Variants in DNM3 observed in about 807,000 individuals in gnomAD.
DNM3 encodes the protein dynamin 3, also known as dynamin-3.
A neutral mutation model predicts 101.6 loss-of-function variants in DNM3; 47 were observed. That is an observed-to-expected ratio of 0.46 (90% CI 0.37 to 0.59). The LOEUF is 0.59. Among genes scored for constraint, DNM3 ranks in the 20% least tolerant of loss-of-function variants. DNM3 has a pLI of 0.00. For synonymous variants in DNM3, 385 were observed against 387.9 expected (o/e 0.99, Z 0.09); for missense variants, 849 against 1,085.7 (o/e 0.78, Z 3.06).
intron 15 of DNM3, among the ~76,000 whole-genome samples, chr1:172,301,029 A>T (rs953871101): frequency 1.3e-5 from 2 of 152,202 alleles, no homozygotes; most frequent in African/African-American, 4.8e-5. Flanking sequence ...TAGACAGGAG[A>T]TATAAACACA....
chr1:172,097,573 C>T (rs2054330619), intron 13 of DNM3, among the ~76,000 whole-genome samples: 1 of 151,818 alleles, frequency 6.6e-6, no homozygotes, highest in African/African-American at 2.4e-5. Flanking sequence ...GAGACCACCT[C>T]CAAAGGATGA....
At chr1:172,028,433 G>A (rs1194286192) in intron 4 of DNM3, among the ~76,000 whole-genome samples, 1 of 152,056 alleles carries the variant, frequency 6.6e-6, no homozygotes, top group Non-Finnish European at 1.5e-5. Flanking sequence ...TATAGAGGAA[G>A]TTATAGCACT....
chr1:171,873,823 CTGA>C (rs770366207), intron 1 of DNM3, among the ~76,000 whole-genome samples: 7 of 152,168 alleles, frequency 4.6e-5, no homozygotes, highest in Non-Finnish European at 7.3e-5. Flanking sequence ...ATAAGTATCC[CTGA>C]TGATATTATC....
intron 13 of DNM3, among the ~76,000 whole-genome samples, chr1:172,101,405 CTG>C (rs1403146893): frequency 2.6e-5 from 4 of 152,164 alleles, no homozygotes; most frequent in Non-Finnish European, 5.9e-5. Flanking sequence ...TTCTTCAGAG[CTG>C]ACACAGTAGA....
chr1:171,933,646 G>T (rs543988920), intron 2 of DNM3, among the ~76,000 whole-genome samples: 1 of 152,252 alleles, frequency 6.6e-6, no homozygotes, highest in African/African-American at 2.4e-5. Context: ...AGGAAATGGG[G>T]TAAAGAGAGC....
chr1:172,234,734 T>C (rs1036767531), intron 14 of DNM3, among the ~76,000 whole-genome samples: 2 of 151,970 alleles, frequency 1.3e-5, no homozygotes, highest in Admixed American at 6.6e-5. Flanking sequence ...ATGCCACAGA[T>C]CTACACCGAT....
At chr1:172,298,744 C>T (rs999828303) in intron 15 of DNM3, among the ~76,000 whole-genome samples, 1 of 151,902 alleles carries the variant, frequency 6.6e-6, no homozygotes, top group Non-Finnish European at 1.5e-5. Context: ...ATACATTTCT[C>T]TTTCCATTGG....
At chr1:172,213,843 A>G (rs1400219962) in intron 14 of DNM3, among the ~76,000 whole-genome samples, 1 of 151,874 alleles carries the variant, frequency 6.6e-6, no homozygotes, top group African/African-American at 2.4e-5. Flanking sequence ...AAAAAAAAGC[A>G]TATTGGCATC....
intron 1 of DNM3, among the ~76,000 whole-genome samples, chr1:171,917,010 G>T (rs1042516279): frequency 1.3e-4 from 20 of 152,152 alleles, no homozygotes; most frequent in African/African-American, 4.8e-4. Flanking sequence ...TTTGCTGTAT[G>T]TTGATACTCT....
intron 4 of DNM3, among the ~76,000 whole-genome samples, chr1:171,997,322 C>G (rs1183123541): frequency 6.6e-6 from 1 of 152,096 alleles, no homozygotes; most frequent in Admixed American, 6.5e-5. Flanking sequence ...ATTTCAGATT[C>G]ATCTGCAAAT....
At chr1:171,968,866 T>A (rs2043790399) in intron 2 of DNM3, among the ~76,000 whole-genome samples, 1 of 152,170 alleles carries the variant, frequency 6.6e-6, no homozygotes, top group Non-Finnish European at 1.5e-5. Context: ...AAAGGTGCAT[T>A]TCAAGTACCA....
intron 16 of DNM3, chr1:172,309,965 C>T (rs2065011089): frequency 6.6e-6 from 1 of 152,176 alleles, no homozygotes; most frequent in South Asian, 2.1e-4. Context: ...CTGTCTGACA[C>T]CTAAAACAAT....
intron 14 of DNM3, among the ~76,000 whole-genome samples, chr1:172,247,677 T>C (rs1466358463): frequency 6.6e-6 from 1 of 150,884 alleles, no homozygotes; most frequent in Non-Finnish European, 1.5e-5. Context: ...ATTTATTTAT[T>C]TATTTATTTA....
chr1:171,924,195 C>T (rs1435622017), intron 2 of DNM3, among the ~76,000 whole-genome samples: 1 of 152,070 alleles, frequency 6.6e-6, no homozygotes, highest in African/African-American at 2.4e-5. Context: ...GGTAGCTACC[C>T]AGTAGTGGGA....
intron 4 of DNM3, among the ~76,000 whole-genome samples, chr1:172,019,655 T>C (rs1011691648): frequency 1.8e-4 from 25 of 137,276 alleles, no homozygotes; most frequent in Admixed American, 1.4e-3. Flanking sequence ...TTTCCCACCC[T>C]ACCCCCTAGT....
chr1:171,984,596 A>T (rs2125602569), intron 2 of DNM3, among the ~76,000 whole-genome samples: 1 of 151,896 alleles, frequency 6.6e-6, no homozygotes, highest in South Asian at 2.1e-4. Flanking sequence ...TAACCAAGCA[A>T]CCCCTTTCCC....
intron 2 of DNM3, among the ~76,000 whole-genome samples, chr1:171,970,600 G>A (rs915971771): frequency 1.4e-5 from 2 of 142,470 alleles, no homozygotes; most frequent in Admixed American, 1.5e-4. Context: ...TTATTTTTAG[G>A]ATGAGTATGA....
intron 15 of DNM3, among the ~76,000 whole-genome samples, chr1:172,278,396 C>G (rs1280232401): frequency 6.6e-6 from 1 of 152,038 alleles, no homozygotes; most frequent in African/African-American, 2.4e-5. Context: ...ATAAAATACA[C>G]TAAAACTAAC....
intron 14 of DNM3, among the ~76,000 whole-genome samples, chr1:172,158,616 G>C (rs1413758700): frequency 6.6e-6 from 1 of 151,962 alleles, no homozygotes; most frequent in African/African-American, 2.4e-5. Flanking sequence ...TGATTAGAAA[G>C]ATGTTTCTAG....
Sources: allele counts gnomAD v4.1 joint callset (sites outside exome capture counted in the v4.1 genomes callset), GRCh38; gene constraint gnomAD v4.1.1; transcripts MANE v1.5; gene names NCBI Gene and HGNC (gene_info 2026-07-23, HGNC 2026-07-21).